ANO10: variants seen among roughly 807,000 people sequenced by gnomAD.
ANO10 encodes the protein anoctamin 10.
A neutral mutation model predicts 74.7 loss-of-function variants in ANO10; 77 were observed. The ratio of observed to expected loss-of-function variants is 1.03; its 90% CI spans 0.86 to 1.25. The LOEUF (loss-of-function observed/expected upper bound fraction) is 1.25. ANO10 is among the 50% of genes most tolerant of loss of function. ANO10 has a pLI of 0.00. For missense variants in ANO10, 721 were observed against 778.1 expected (o/e 0.93, Z 0.87); for synonymous variants, 279 against 284.9 (o/e 0.98, Z 0.21).
intron 1 of ANO10, among the ~76,000 whole-genome samples, chr3:43,618,937 A>G (rs980763586): frequency 6.6e-6 from 1 of 151,982 alleles, no homozygotes; most frequent in African/African-American, 2.4e-5. Flanking sequence ...GAGTAGCTGG[A>G]ACTACAGGCA....
At chr3:43,521,953 T>A (rs1431400431) in intron 11 of ANO10, among the ~76,000 whole-genome samples, 1 of 152,218 alleles carries the variant, frequency 6.6e-6, no homozygotes, top group Non-Finnish European at 1.5e-5. Context: ...TGACATATTA[T>A]TTAGCCATAA....
chr3:43,499,792 A>C (rs1448120312), intron 11 of ANO10, among the ~76,000 whole-genome samples: 1 of 152,076 alleles, frequency 6.6e-6, no homozygotes, highest in African/African-American at 2.4e-5. Flanking sequence ...CTACCTACAA[A>C]ATATAAGCAA....
chr3:43,485,180 G>A (rs2076425278), intron 11 of ANO10: 2 of 711,938 alleles, frequency 2.8e-6, no homozygotes, highest in Non-Finnish European at 2.5e-6. Context: ...GGGTGACAGC[G>A]CCTGCGGTGG....
intron 12 of ANO10, among the ~76,000 whole-genome samples, chr3:43,428,491 A>G (rs2092931055): frequency 6.6e-6 from 1 of 152,148 alleles, no homozygotes; most frequent in African/African-American, 2.4e-5. Flanking sequence ...CACTTGATGG[A>G]TCAGAGACAT....
intron 11 of ANO10, among the ~76,000 whole-genome samples, chr3:43,493,598 TAA>T (rs1261546427): frequency 6.6e-6 from 1 of 151,588 alleles, no homozygotes; most frequent in African/African-American, 2.4e-5. Flanking sequence ...CAATAAAAAA[TAA>T]TTTAAGGTTA....
At chr3:43,676,835 A>G (rs1438630760) in intron 1 of ANO10, among the ~76,000 whole-genome samples, 3 of 149,518 alleles carry the variant, frequency 2.0e-5, no homozygotes, top group Admixed American at 1.3e-4. Flanking sequence ...AATTAACCAG[A>G]TAATTTTTTT....
chr3:43,642,117 G>T (rs2083676058), intron 1 of ANO10, among the ~76,000 whole-genome samples: 1 of 152,180 alleles, frequency 6.6e-6, no homozygotes, highest in Non-Finnish European at 1.5e-5. Flanking sequence ...GGGTATCATT[G>T]CTTCAAAGCC....
chr3:43,562,685 A>C (rs374819271), intron 8 of ANO10, among the ~76,000 whole-genome samples: 2 of 151,994 alleles, frequency 1.3e-5, no homozygotes, highest in East Asian at 3.9e-4. Context: ...CATCTAAAAA[A>C]AAAAAAGAAG....
At chr3:43,394,954 T>C (rs965436553) in intron 12 of ANO10, among the ~76,000 whole-genome samples, 12 of 152,158 alleles carry the variant, frequency 7.9e-5, no homozygotes, top group African/African-American at 2.7e-4. Flanking sequence ...TATGTGGCTT[T>C]TCGTAAAAAG....
At chr3:43,381,023 C>T (rs749793179) in intron 12 of ANO10, among the ~76,000 whole-genome samples, 8 of 152,048 alleles carry the variant, frequency 5.3e-5, no homozygotes, top group African/African-American at 9.7e-5. Context: ...AGAGAAGCGC[C>T]GAGCAAAGGG....
chr3:43,568,255 T>G (rs184552322), intron 7 of ANO10, among the ~76,000 whole-genome samples: 2,561 of 152,198 alleles, frequency 0.017, 63 homozygotes, highest in African/African-American at 0.057. Flanking sequence ...AACACCCTAC[T>G]GTCAACATTA....
At chr3:43,483,810 C>G (rs1189075439) in intron 11 of ANO10, among the ~76,000 whole-genome samples, 1 of 152,162 alleles carries the variant, frequency 6.6e-6, no homozygotes, top group Admixed American at 6.5e-5. Context: ...TACCTTGAAA[C>G]AGGGGCTTAC....
chr3:43,369,690 G>T (rs2091538613), intron 12 of ANO10, among the ~76,000 whole-genome samples: 1 of 152,172 alleles, frequency 6.6e-6, no homozygotes, highest in African/African-American at 2.4e-5. Context: ...ATGGTATGGA[G>T]GGGGGCTCAG....
At chr3:43,500,645 A>G (rs1352569710) in intron 11 of ANO10, among the ~76,000 whole-genome samples, 1 of 152,232 alleles carries the variant, frequency 6.6e-6, no homozygotes, top group Non-Finnish European at 1.5e-5. Context: ...CCTAAGCTAT[A>G]ACTCTGCAGG....
At chr3:43,585,252 C>A (rs2081423047) in intron 4 of ANO10, among the ~76,000 whole-genome samples, 2 of 152,094 alleles carry the variant, frequency 1.3e-5, no homozygotes, top group Admixed American at 6.5e-5. Context: ...TAATTCTTAT[C>A]TCAAATAGTA....
At chr3:43,383,339 A>C (rs539556950) in intron 12 of ANO10, among the ~76,000 whole-genome samples, 1 of 151,874 alleles carries the variant, frequency 6.6e-6, no homozygotes, top group East Asian at 1.9e-4. Flanking sequence ...CTGTAGTCCC[A>C]GCTACTTAGG....
chr3:43,492,195 T>A (rs888879780), intron 11 of ANO10, among the ~76,000 whole-genome samples: 1 of 152,164 alleles, frequency 6.6e-6, no homozygotes. Flanking sequence ...GGAGAAAAGA[T>A]TCCCTGTTTA....
At position 43,680,137 on chromosome 3, in the gene ANO10, C is replaced by T. The variant is rs577368107; in HGVS notation, c.-12+11380G>A. On this transcript the variant is annotated intron_variant, in intron 1 of 3. Transcript: ENST00000413397. ...AAGACTTCAGATGATCAAACTACTC[C>T]GAGCTAAAGGAGGAAGTTCGAACCC... Among the ~76,000 whole-genome samples, 43 of 152,170 alleles carry T rather than the reference C, an allele frequency of 2.8e-4. No homozygotes were observed. In the South Asian group the frequency reaches 7.7e-3, roughly 27 times the overall value.
intron 1 of ANO10, chr3:43,691,165 A>G: frequency 1.0e-6 from 1 of 961,472 alleles, no homozygotes; most frequent in Admixed American, 4.3e-5. Context: ...GGCTTCCTCG[A>G]CCCTCCCCGG....
Sources: allele counts gnomAD v4.1 joint callset (sites outside exome capture counted in the v4.1 genomes callset), GRCh38; gene constraint gnomAD v4.1.1; transcripts MANE v1.5; gene names NCBI Gene and HGNC (gene_info 2026-07-23, HGNC 2026-07-21).